The following MEGF11 variants were observed in gnomAD, a reference collection of about 807,000 sequenced individuals.
MEGF11 encodes the protein multiple EGF like domains 11.
A neutral mutation model predicts 146.6 loss-of-function variants in MEGF11; 126 were observed. The ratio of observed to expected loss-of-function variants is 0.86; its 90% CI spans 0.74 to 1.00. MEGF11 has a LOEUF of 1.00. Among genes scored for constraint, MEGF11 ranks in the 50% least tolerant of loss-of-function variants. The pLI is 0.00. For synonymous variants in MEGF11, 532 were observed against 583.4 expected (o/e 0.91, Z 1.27); for missense variants, 1,509 against 1,521.2 (o/e 0.99, Z 0.13).
chr15:66,226,381 G>A (rs1172696801), intron 1 of MEGF11, among the ~76,000 whole-genome samples: 1 of 152,088 alleles, frequency 6.6e-6, no homozygotes, highest in African/African-American at 2.4e-5. Context: ...CCAAGTAGCT[G>A]GAATTACAGG....
At chr15:66,077,852 A>G (rs542861765) in intron 5 of MEGF11, among the ~76,000 whole-genome samples, 2 of 152,270 alleles carry the variant, frequency 1.3e-5, no homozygotes, top group Admixed American at 6.5e-5. Flanking sequence ...GGGTCAGTGG[A>G]TGAAAGAGGG....
intron 1 of MEGF11, among the ~76,000 whole-genome samples, chr15:66,191,742 T>TG (rs2141193147): frequency 6.6e-6 from 1 of 152,236 alleles, no homozygotes; most frequent in Admixed American, 6.5e-5. Context: ...TTCAAAGGCC[T>TG]GGGGGACCCC....
At chr15:66,144,389 TC>T (rs1457530382) in intron 1 of MEGF11, among the ~76,000 whole-genome samples, 3 of 152,000 alleles carry the variant, frequency 2.0e-5, no homozygotes, top group African/African-American at 7.2e-5. Context: ...TTCGTCTCTT[TC>T]TCCCTTCCCA....
chr15:65,955,605 G>A (rs1225943536), intron 10 of MEGF11, among the ~76,000 whole-genome samples: 1 of 148,410 alleles, frequency 6.7e-6, no homozygotes, highest in Non-Finnish European at 1.5e-5. Flanking sequence ...TTAGCTAGGC[G>A]TGGTGGCACA....
intron 1 of MEGF11, among the ~76,000 whole-genome samples, chr15:66,144,726 C>G (rs1284604724): frequency 6.6e-6 from 1 of 152,240 alleles, no homozygotes; most frequent in Non-Finnish European, 1.5e-5. Context: ...CCACCACCAC[C>G]TGAGCCCAAC....
chr15:66,151,343 T>A (rs538842581), intron 1 of MEGF11, among the ~76,000 whole-genome samples: 55 of 152,204 alleles, frequency 3.6e-4, no homozygotes, highest in African/African-American at 1.3e-3. Context: ...CTGAGCCACG[T>A]GGGGCTGAGC....
chr15:65,933,556 G>A (rs1202546363), intron 10 of MEGF11, among the ~76,000 whole-genome samples: 1 of 152,252 alleles, frequency 6.6e-6, no homozygotes, highest in African/African-American at 2.4e-5. Context: ...TTTCCTCCCA[G>A]AGAAGCCTAT....
rs2078994748 is a variant in MEGF11 at position 65,916,255 on chromosome 15, C to T, written c.2237G>A (p.Gly746Glu). 1 of 1,556,858 alleles carries T rather than the reference C, an allele frequency of 6.4e-7. No individual in the cohort carries two copies. ...CTGGCATACGCGCCCACAGTCCTTC[C>T]CAAAAAATGCTGCTGGGCAGCCTAG... ...CTQRCPAAFF[G>E]KDCGRVCQCQ... Residue 746 changes from glycine (G) to glutamate (E), a missense_variant, in exon 18 of 26, where the codon GGG (glycine) becomes GAG (glutamate). By Grantham distance (98) the Gly-to-Glu change is moderately conservative (BLOSUM62 -2). Transcript: ENST00000395614.
At chr15:65,935,362 A>T (rs1041343507) in intron 10 of MEGF11, among the ~76,000 whole-genome samples, 5 of 130,424 alleles carry the variant, frequency 3.8e-5, no homozygotes, top group South Asian at 2.6e-4. Context: ...AAAAAAAAAA[A>T]GGCAAAACAG....
intron 7 of MEGF11, 44 bp from the exon 8 acceptor site, chr15:65,970,733 T>A (rs773677335): frequency 1.3e-5 from 21 of 1,568,206 alleles, no homozygotes; most frequent in Non-Finnish European, 1.7e-5. Flanking sequence ...GCTCCAGAAA[T>A]GCCAAACTTT....
intron 1 of MEGF11, among the ~76,000 whole-genome samples, chr15:66,249,000 G>A (rs2092335001): frequency 6.6e-6 from 1 of 152,050 alleles, no homozygotes; most frequent in Non-Finnish European, 1.5e-5. Flanking sequence ...TTTTCTTTTG[G>A]GTCTAATTAA....
intron 1 of MEGF11, among the ~76,000 whole-genome samples, chr15:66,131,908 C>T (rs1001091167): frequency 6.6e-6 from 1 of 152,114 alleles, no homozygotes; most frequent in African/African-American, 2.4e-5. Flanking sequence ...AACTCTGCTC[C>T]CCTCCCTCAA....
intron 1 of MEGF11, among the ~76,000 whole-genome samples, chr15:66,196,120 C>T (rs1009583416): frequency 2.6e-5 from 4 of 151,976 alleles, no homozygotes; most frequent in African/African-American, 9.7e-5. Flanking sequence ...CGGGGGAGAA[C>T]CAGTGCTGGG....
intron 5 of MEGF11, among the ~76,000 whole-genome samples, chr15:65,990,610 G>GA (rs1192656601): frequency 1.5e-4 from 12 of 81,778 alleles, no homozygotes; most frequent in East Asian, 4.2e-4. Context: ...GAAAAGAAAA[G>GA]AAAAAAAAGA....
At chr15:65,946,637 C>T (rs2080205106) in intron 10 of MEGF11, among the ~76,000 whole-genome samples, 1 of 152,226 alleles carries the variant, frequency 6.6e-6, no homozygotes, top group Admixed American at 6.5e-5. Context: ...AGGTGATCCA[C>T]CCACTTCGGC....
intron 5 of MEGF11, among the ~76,000 whole-genome samples, chr15:66,082,543 T>A (rs903575434): frequency 2.8e-5 from 4 of 144,212 alleles, no homozygotes; most frequent in Non-Finnish European, 4.5e-5. Context: ...TGTGGTGGTG[T>A]GTACCTGTAG....
intron 1 of MEGF11, among the ~76,000 whole-genome samples, chr15:66,139,744 C>T (rs1381305061): frequency 6.6e-6 from 1 of 152,146 alleles, no homozygotes; most frequent in Non-Finnish European, 1.5e-5. Context: ...GGCATGTACG[C>T]ACTGTGTGTG....
At chr15:66,215,899 T>A (rs936196341) in intron 1 of MEGF11, among the ~76,000 whole-genome samples, 5 of 152,136 alleles carry the variant, frequency 3.3e-5, no homozygotes, top group Non-Finnish European at 5.9e-5. Context: ...GAGAAATGCA[T>A]CTTTGAACTT....
At chr15:66,108,466 A>G (rs1308026394) in intron 4 of MEGF11, among the ~76,000 whole-genome samples, 1 of 152,214 alleles carries the variant, frequency 6.6e-6, no homozygotes, top group Admixed American at 6.5e-5. Context: ...AGGTAGTGAT[A>G]GTGCAAAGAA....
Sources: allele counts gnomAD v4.1 joint callset (sites outside exome capture counted in the v4.1 genomes callset), GRCh38; gene constraint gnomAD v4.1.1; transcripts MANE v1.5; gene names NCBI Gene and HGNC (gene_info 2026-07-23, HGNC 2026-07-21).